The following SP6 variants were observed in gnomAD, a reference collection of about 807,000 sequenced individuals.
The protein encoded by SP6 is transcription factor Sp6.
Under a neutral mutation model 23.4 loss-of-function variants are expected in SP6, and 10 were observed. The observed-to-expected ratio is 0.43, with a 90% CI of 0.26 to 0.72. The LOEUF (loss-of-function observed/expected upper bound fraction) is 0.72. Ranked by LOEUF, SP6 falls within the 30% of genes least tolerant of loss-of-function variation. The pLI is 0.23. For synonymous variants in SP6, 238 were observed against 238.7 expected, an observed-to-expected ratio of 1.00 and a Z score of 0.03; for missense variants, 482 against 523.8, an observed-to-expected ratio of 0.92 and a Z score of 0.78.
chr17:47,858,659 T>G (rs1022457858), upstream of SP6, among the ~76,000 whole-genome samples: 12 of 152,134 alleles, frequency 7.9e-5, no homozygotes, highest in Admixed American at 7.2e-4. Context: ...AGTGTCAACT[T>G]GCTGACAAAA....
chr17:47,850,358 C>T (rs956953821), intron 1 of SP6, among the ~76,000 whole-genome samples: 15 of 152,042 alleles, frequency 9.9e-5, no homozygotes, highest in African/African-American at 3.6e-4. Context: ...CTCAGTCTAG[C>T]AGAAGATGCA....
the SP6 span, chr17:47,863,506 T>A: frequency 6.6e-6 from 1 of 151,182 alleles, no homozygotes; most frequent in Non-Finnish European, 1.5e-5. Flanking sequence ...AAGGGGGCCC[T>A]TAAGTGGGCA....
chr17:47,870,092 G>A, the SP6 span, among the ~76,000 whole-genome samples: 1 of 152,244 alleles, frequency 6.6e-6, no homozygotes, highest in Middle Eastern at 3.4e-3. Context: ...ACAGGAGGCT[G>A]TGCAGAGCCA....
chr17:47,870,383 T>C, the SP6 span, among the ~76,000 whole-genome samples: 9 of 151,216 alleles, frequency 6.0e-5, no homozygotes, highest in Non-Finnish European at 1.3e-4. Flanking sequence ...GGGTGGAGAG[T>C]GTTTGTGAAG....
the SP6 span, among the ~76,000 whole-genome samples, chr17:47,861,578 C>A: frequency 7.2e-5 from 11 of 152,040 alleles, no homozygotes; most frequent in African/African-American, 2.7e-4. Context: ...ACCAAAAATA[C>A]AAAAATTAGC....
At position 47,846,991 on chromosome 17, in the gene SP6, C is replaced by T; in HGVS notation, c.*308G>A. 1 of 394,534 alleles carries T rather than the reference C, an allele frequency of 2.5e-6. No homozygotes were observed. 24.4% of individuals were successfully genotyped at this position (394,534 alleles called of 1,614,324 possible). On this transcript the variant is annotated 3_prime_UTR_variant, in exon 2 of 2. Coordinates refer to ENST00000536300, the MANE Select transcript of SP6 (RefSeq NM_001258248.2). ...CTTGCTGTCTCCTCTAGCCTGTCCC[C>T]GCCAGCCAGCCGCGGTACGGGTGTC...
At chr17:47,870,938 C>G in the SP6 span, among the ~76,000 whole-genome samples, 1 of 152,128 alleles carries the variant, frequency 6.6e-6, no homozygotes, top group Non-Finnish European at 1.5e-5. Context: ...ATTCATACTC[C>G]CTGCCCCCAA....
upstream of SP6, among the ~76,000 whole-genome samples, chr17:47,853,949 G>A (rs1202574601): frequency 2.6e-5 from 4 of 151,976 alleles, no homozygotes; most frequent in African/African-American, 7.3e-5. Context: ...TTTTCCCACC[G>A]AATGACGGCG....
intron 1 of SP6, among the ~76,000 whole-genome samples, chr17:47,849,519 CCCA>C (rs1411237928): frequency 6.6e-6 from 1 of 152,138 alleles, no homozygotes; most frequent in African/African-American, 2.4e-5. Flanking sequence ...TCAGAAGCTC[CCCA>C]CCACCACCAG....
the SP6 span, among the ~76,000 whole-genome samples, chr17:47,864,243 T>TTTTTTG: frequency 2.0e-5 from 3 of 151,428 alleles, no homozygotes; most frequent in South Asian, 4.1e-4. Context: ...CTTTTTTCCT[T>TTTTTTG]TTTTTGTTTT....
chr17:47,867,915 G>T, the SP6 span, among the ~76,000 whole-genome samples: 1 of 152,070 alleles, frequency 6.6e-6, no homozygotes, highest in Non-Finnish European at 1.5e-5. Flanking sequence ...CTGCCTGTGT[G>T]TCCCCCAACC....
At chr17:47,864,289 A>G in the SP6 span, among the ~76,000 whole-genome samples, 862 of 150,918 alleles carry the variant, frequency 5.7e-3, 5 homozygotes, top group African/African-American at 0.02. Flanking sequence ...TTAAGAGACA[A>G]GATTTTACTC....
upstream of SP6, among the ~76,000 whole-genome samples, chr17:47,852,130 C>T (rs915355671): frequency 2.6e-5 from 4 of 152,218 alleles, no homozygotes; most frequent in African/African-American, 7.2e-5. Context: ...TGCCACCATT[C>T]CTTTCTAATT....
At chr17:47,862,515 A>G in the SP6 span, among the ~76,000 whole-genome samples, 6 of 100,438 alleles carry the variant, frequency 6.0e-5, no homozygotes, top group Non-Finnish European at 1.4e-4. Flanking sequence ...CTCAAAAAAA[A>G]AAAAAAAAAA....
At position 47,848,051 on chromosome 17, in the gene SP6, T is replaced by G; in HGVS notation, c.379A>C (p.Thr127Pro). 1 of 1,612,556 alleles carries G rather than the reference T, an allele frequency of 6.2e-7. No individual in the cohort carries two copies. The highest frequency in any genetic ancestry group is 1.3e-5 in the African/African-American group (1 of 74,982). The change falls in exon 2 of 2, where the codon ACC (threonine) becomes CCC (proline). Residue 127 changes from threonine (T) to proline (P), a missense_variant. Physicochemically the swap from Thr to Pro is conservative, Grantham distance 38. This residue lies in a region of SP6 where 330 missense variants were observed against 332.3 expected (regional missense o/e 0.99). Coordinates refer to ENST00000536300, the MANE Select transcript of SP6 (RefSeq NM_001258248.2). The surrounding 1 kb of genome is among the most constrained non-coding windows in gnomAD (Gnocchi z 5.3). ...DGSWWDLHPG[T>P]SWMDLPHTQG... ...GTGTGGGGGAGGTCCATCCAGCTGG[T>G]GCCCGGATGAAGGTCCCACCACGAG...
chr17:47,855,549 A>G (rs2033992120), upstream of SP6: 1 of 151,790 alleles, frequency 6.6e-6, no homozygotes. Context: ...CCCCCTTCCC[A>G]ATTCAGAGAG....
chr17:47,848,566 C>T lies in SP6; in HGVS notation c.-57-80G>A, dbSNP rs2033922982. On this transcript the variant is annotated intron_variant, in intron 1 of 1. Coordinates refer to ENST00000536300, the MANE Select transcript of SP6 (RefSeq NM_001258248.2). This position sits in a 1 kb window ranked among gnomAD's most constrained non-coding sequence, Gnocchi z 5.3. Reference sequence around the variant, plus strand: ...CCTAACCCAGGTCCTCCTCTCTGGCCCCAGGTGTAAAAGAAGGATGCACCT... The same window carrying T: ...CCTAACCCAGGTCCTCCTCTCTGGCTCCAGGTGTAAAAGAAGGATGCACCT... 1.3e-6 allele frequency: 1 copy of T among 783,098 alleles called. No individual in the cohort carries two copies. The highest frequency in any genetic ancestry group is 2.0e-6 in the Non-Finnish European group (1 of 501,394). The allele number at this position is 783,098 out of a possible 1,614,324, so 48.5% of individuals were successfully genotyped here. A position where few individuals can be genotyped will look rare whatever the true frequency, so the allele number is the denominator to read the frequency against.
the SP6 span, among the ~76,000 whole-genome samples, chr17:47,861,392 C>G: frequency 6.6e-6 from 1 of 152,192 alleles, no homozygotes; most frequent in South Asian, 2.1e-4. Flanking sequence ...AGGCGGACTT[C>G]AATGTCTAGA....
upstream of SP6, among the ~76,000 whole-genome samples, chr17:47,858,215 A>G (rs988245661): frequency 6.6e-6 from 1 of 151,110 alleles, no homozygotes; most frequent in Non-Finnish European, 1.5e-5. Context: ...TCTTCCTTCC[A>G]TCTTTCTCCT....
Sources: gnomAD v4.1 joint callset for allele counts (sites outside exome capture counted in the v4.1 genomes callset) on GRCh38, gnomAD v4.1.1 for gene constraint, gnomAD v4.1.1 regional missense constraint, Gnocchi (gnomAD v3.1) non-coding constraint, MANE v1.5 for transcripts, NCBI Gene and HGNC (gene_info 2026-07-23, HGNC 2026-07-21) for gene names.